The following JAK2 variants were observed in gnomAD, a reference collection of about 807,000 sequenced individuals.
JAK2 encodes the protein Janus kinase 2.
Under a neutral mutation model 139.3 loss-of-function variants are expected in JAK2, and 86 were observed. The ratio of observed to expected loss-of-function variants is 0.62; its 90% CI spans 0.52 to 0.74. The LOEUF is 0.74. JAK2 is among the 30% of genes least tolerant of loss of function. The pLI, the probability that JAK2 is intolerant of heterozygous loss-of-function variation, is 0.00. For missense variants in JAK2, 1,421 were observed against 1,360.3 expected (o/e 1.04, Z -0.70); for synonymous variants, 490 against 437.7 (o/e 1.12, Z -1.49).
At chr9:5,126,492 C>A in intron 24 of JAK2, 46 bp downstream of exon 24, 1 of 1,324,776 alleles carries the variant, frequency 7.5e-7, no homozygotes, top group Non-Finnish European at 1.1e-6. Context: ...TTTTCTTTTA[C>A]TTTTTACTCA....
At chr9:5,014,125 C>T (rs975034489) in intron 2 of JAK2, among the ~76,000 whole-genome samples, 18 of 149,586 alleles carry the variant, frequency 1.2e-4, no homozygotes, top group East Asian at 2.0e-4. Context: ...TGTATGTGTA[C>T]AGTTGATTAA....
intron 23 of JAK2, 199 bp from the exon 24 acceptor site, chr9:5,126,134 C>G (rs1360282195): frequency 2.1e-6 from 1 of 471,788 alleles, no homozygotes; most frequent in African/African-American, 2.0e-5. Context: ...TTTATTACAG[C>G]TATGGAAATG....
At chr9:5,002,137 T>C (rs1049144781) in intron 2 of JAK2, among the ~76,000 whole-genome samples, 1 of 151,858 alleles carries the variant, frequency 6.6e-6, no homozygotes, top group South Asian at 2.1e-4. Flanking sequence ...AAGTTTTGGT[T>C]TGATTGATTT....
At position 5,055,677 on chromosome 9, in the gene JAK2, G is replaced by A. The variant is rs1224558676; in HGVS notation, c.945G>A (p.Gln315=). ...CATGCTTTTAATTATAGGATTTACA[G>A]TTATATTGCGATTTTCCTAATATTA... ...ESETLTEQDL[Q]LYCDFPNIID... Residue 315 remains glutamine (Q), a synonymous_variant, in exon 8 of 25, where the codon CAG becomes CAA. Coordinates refer to ENST00000381652, the MANE Select transcript of JAK2 (RefSeq NM_004972.4). The A allele has an allele frequency of 6.4e-7, 1 of 1,571,680 alleles. No individual in the cohort carries two copies. Among genetic ancestry groups the A allele is most frequent in the South Asian group, 1.1e-5 (1 of 88,892 alleles).
At chr9:5,022,257 T>C in intron 3 of JAK2, 44 bp downstream of exon 3, 1 of 1,346,404 alleles carries the variant, frequency 7.4e-7, no homozygotes, top group Non-Finnish European at 1.1e-6. Context: ...GCATGGATTG[T>C]TTTAATTATG....
At chr9:5,002,856 T>G (rs557335437) in intron 2 of JAK2, among the ~76,000 whole-genome samples, 1 of 152,042 alleles carries the variant, frequency 6.6e-6, no homozygotes. Context: ...TTTTATGTTC[T>G]GCTTACAAGA....
chr9:5,102,040 T>C (rs762530819), intron 22 of JAK2, among the ~76,000 whole-genome samples: 6 of 152,162 alleles, frequency 3.9e-5, no homozygotes, highest in African/African-American at 1.4e-4. Context: ...GAGAATGACT[T>C]TGACGAGCTG....
At chr9:4,998,545 A>G (rs540516013) in intron 2 of JAK2, among the ~76,000 whole-genome samples, 8 of 152,014 alleles carry the variant, frequency 5.3e-5, no homozygotes, top group East Asian at 1.9e-4. Flanking sequence ...ATGAGCCACC[A>G]TGCCCGGCCA....
chr9:5,021,190 C>G (rs1195004297), intron 2 of JAK2, among the ~76,000 whole-genome samples: 1 of 152,134 alleles, frequency 6.6e-6, no homozygotes, highest in Non-Finnish European at 1.5e-5. Flanking sequence ...TCCTTCCTTG[C>G]ATTAGGTGTT....
rs543442745 is a variant in JAK2 at position 5,123,708 on chromosome 9, G to A, written c.3177+587G>A. Among the ~76,000 whole-genome samples the A allele has an allele frequency of 5.9e-5, 9 of 151,854 alleles. No homozygotes were observed. In the South Asian group the frequency reaches 1.7e-3, roughly 28 times the overall value. On this transcript the variant is annotated intron_variant, in intron 23 of 24. Transcript: ENST00000381652. Reference sequence around the variant, plus strand: ...GATCGAATGGTAGTTCTATATTTAGGTCTCTGAGAAATCTTTATAATGTTT... The same window carrying A: ...GATCGAATGGTAGTTCTATATTTAGATCTCTGAGAAATCTTTATAATGTTT...
Position 5,051,643 on chromosome 9 carries a change from T to A in JAK2, c.614+812T>A, listed in dbSNP as rs188576722. 1.0e-3 allele frequency among the ~76,000 whole-genome samples: 153 copies of A among 152,272 alleles called. 1 individual carries two copies. The highest frequency in any genetic ancestry group is 2.8e-3 in the African/African-American group (118 of 41,572). Reference sequence around the variant, plus strand: ...TAAAACTGCTTTTTAAAAAGGTATATATAAGAATGGTTTAAGTTTGAAGGC... The same window carrying A: ...TAAAACTGCTTTTTAAAAAGGTATAAATAAGAATGGTTTAAGTTTGAAGGC... On this transcript the variant is annotated intron_variant, in intron 6 of 24. Transcript: ENST00000381652.
At chr9:5,115,430 T>A (rs1823064000) in intron 22 of JAK2, among the ~76,000 whole-genome samples, 1 of 152,154 alleles carries the variant, frequency 6.6e-6, no homozygotes, top group Admixed American at 6.5e-5. Context: ...GAAGAGGATG[T>A]GGAAAAACAG....
At position 5,042,124 on chromosome 9, in the gene JAK2, C is replaced by CTTTTTTTTT. The variant is rs71326152; in HGVS notation, c.351-2263_351-2255dup. Among the ~76,000 whole-genome samples, 4 of 107,610 alleles carry CTTTTTTTTT rather than the reference C, an allele frequency of 3.7e-5. 1 individual carries two copies. The highest frequency in any genetic ancestry group is 1.5e-4 in the African/African-American group (4 of 26,038). The allele number at this position is 107,610 out of a possible 152,430, so 70.6% of individuals were successfully genotyped here. A position where few individuals can be genotyped will look rare whatever the true frequency, so the allele number is the denominator to read the frequency against. On this transcript the variant is annotated intron_variant, in intron 4 of 24. Coordinates refer to ENST00000381652, the MANE Select transcript of JAK2 (RefSeq NM_004972.4). ...CTTCACGTAAGACTGGCCAAAATTT[C>CTTTTTTTTT]TTTTTTTTTTTTTTTTTTTTTTTTG...
intron 24 of JAK2, 91 bp downstream of exon 24, chr9:5,126,537 G>A (rs544620296): frequency 1.7e-4 from 169 of 981,324 alleles, no homozygotes; most frequent in South Asian, 3.2e-4. Flanking sequence ...TTTAATGTGC[G>A]GAGCTTCCAG....
chr9:5,111,927 C>G (rs1236206359), intron 22 of JAK2: 2 of 350,234 alleles, frequency 5.7e-6, no homozygotes, highest in Non-Finnish European at 5.7e-6. Flanking sequence ...AATCTACTCT[C>G]CGGATCACTC....
At chr9:5,074,456 T>C (rs1819177105) in intron 14 of JAK2, among the ~76,000 whole-genome samples, 1 of 142,202 alleles carries the variant, frequency 7.0e-6, no homozygotes, top group Non-Finnish European at 1.6e-5. Context: ...TCTAGCAACA[T>C]TTCAAACTTT....
chr9:5,054,461 A>T lies in JAK2; in HGVS notation c.615-102A>T. ...ACTTGGCCACTGTGTTGTAAGGCCTACTTAATCATGGAAAAAGGTGGTAAC... is the reference window on the plus strand; with the variant it reads ...ACTTGGCCACTGTGTTGTAAGGCCTTCTTAATCATGGAAAAAGGTGGTAAC... On this transcript the variant is annotated intron_variant, in intron 6 of 24. Transcript: ENST00000381652. The surrounding 1 kb of genome is among the most constrained non-coding windows in gnomAD (Gnocchi z 4.9). 1.1e-6 allele frequency: 1 copy of T among 948,428 alleles called. No individual in the cohort carries two copies. The highest frequency in any genetic ancestry group is 1.6e-6 in the Non-Finnish European group (1 of 625,706). 58.8% of individuals were successfully genotyped at this position (948,428 alleles called of 1,614,324 possible).
chr9:5,082,720 G>C (rs927324988), intron 19 of JAK2, among the ~76,000 whole-genome samples: 5 of 152,238 alleles, frequency 3.3e-5, no homozygotes, highest in Non-Finnish European at 5.9e-5. Flanking sequence ...GCAGTGCATT[G>C]TGTCCCTGGT....
At chr9:5,109,096 T>G (rs559472563) in intron 22 of JAK2, 19 of 152,254 alleles carry the variant, frequency 1.2e-4, no homozygotes, top group African/African-American at 4.6e-4. Flanking sequence ...AACATCACTA[T>G]TATGCTTACA....
Sources: gnomAD v4.1 joint callset for allele counts (sites outside exome capture counted in the v4.1 genomes callset) on GRCh38, gnomAD v4.1.1 for gene constraint, Gnocchi (gnomAD v3.1) non-coding constraint, MANE v1.5 for transcripts, NCBI Gene and HGNC (gene_info 2026-07-23, HGNC 2026-07-21) for gene names.